The following SLC35F1 variants were observed in gnomAD, a reference collection of about 807,000 sequenced individuals.
The protein encoded by SLC35F1 is solute carrier family 35 member F1.
SLC35F1 carries 14 observed loss-of-function variants against 48.7 expected under a neutral mutation model. The ratio of observed to expected loss-of-function variants is 0.29; its 90% confidence interval spans 0.19 to 0.45. The LOEUF is 0.45. SLC35F1 is among the 20% of genes least tolerant of loss of function. The pLI, the probability that SLC35F1 is intolerant of heterozygous loss-of-function variation, is 1.00. For synonymous variants in SLC35F1, 190 were observed against 202.2 expected (o/e 0.94, Z 0.51); for missense variants, 404 against 500.0 (o/e 0.81, Z 1.83).
chr6:118,127,667 G>T (rs2114414747), intron 1 of SLC35F1, among the ~76,000 whole-genome samples: 1 of 151,898 alleles, frequency 6.6e-6, no homozygotes, highest in Admixed American at 6.6e-5. Flanking sequence ...ATTCAAGATG[G>T]ATTAAAGACT....
intron 2 of SLC35F1, among the ~76,000 whole-genome samples, chr6:118,170,376 A>G (rs557313049): frequency 6.6e-6 from 1 of 152,344 alleles, no homozygotes; most frequent in African/African-American, 2.4e-5. Flanking sequence ...TAAATTCTAC[A>G]AAGAAGCCGT....
intron 1 of SLC35F1, among the ~76,000 whole-genome samples, chr6:118,057,238 T>A (rs940897146): frequency 6.6e-5 from 10 of 152,212 alleles, no homozygotes; most frequent in African/African-American, 2.4e-4. Context: ...TGTACCAATG[T>A]CATGCTAGAG....
chr6:118,152,135 T>G (rs777159079), intron 1 of SLC35F1, among the ~76,000 whole-genome samples: 2 of 151,840 alleles, frequency 1.3e-5, no homozygotes, highest in Non-Finnish European at 2.9e-5. Context: ...TCAAAGGGAG[T>G]GACATAGAAG....
intron 1 of SLC35F1, among the ~76,000 whole-genome samples, chr6:118,144,019 T>C (rs1773932698): frequency 6.6e-6 from 1 of 152,200 alleles, no homozygotes; most frequent in African/African-American, 2.4e-5. Flanking sequence ...TCAACCATTG[T>C]GGAAGACAGT....
chr6:117,950,735 A>G (rs1386925896), intron 1 of SLC35F1, among the ~76,000 whole-genome samples: 1 of 152,224 alleles, frequency 6.6e-6, no homozygotes, highest in African/African-American at 2.4e-5. Flanking sequence ...AATAACGTTT[A>G]CAATTTAAAT....
At chr6:118,104,007 A>G (rs575091914) in intron 1 of SLC35F1, among the ~76,000 whole-genome samples, 110 of 152,260 alleles carry the variant, frequency 7.2e-4, no homozygotes, top group Admixed American at 2.3e-3. Flanking sequence ...TTCCTTCACA[A>G]GAATAACCAT....
At chr6:118,207,731 C>G (rs1416611551) in intron 2 of SLC35F1, among the ~76,000 whole-genome samples, 2 of 152,194 alleles carry the variant, frequency 1.3e-5, no homozygotes, top group Non-Finnish European at 2.9e-5. Flanking sequence ...ACTTCAAGGA[C>G]AAATTGCTAT....
At chr6:118,243,821 C>G (rs932667738) in intron 3 of SLC35F1, among the ~76,000 whole-genome samples, 5 of 152,174 alleles carry the variant, frequency 3.3e-5, no homozygotes, top group Non-Finnish European at 7.3e-5. Flanking sequence ...GCTATATTTT[C>G]TTCTTTATCC....
chr6:117,923,631 A>ATACGTG (rs1775941466), intron 1 of SLC35F1, among the ~76,000 whole-genome samples: 1 of 98,550 alleles, frequency 1.0e-5, no homozygotes, highest in Non-Finnish European at 2.1e-5. Flanking sequence ...ATATATACAT[A>ATACGTG]TATGTACATA....
chr6:117,991,009 AT>A (rs551953632), intron 1 of SLC35F1, among the ~76,000 whole-genome samples: 186 of 152,268 alleles, frequency 1.2e-3, no homozygotes, highest in African/African-American at 4.4e-3. Context: ...CCAGTTCTTA[AT>A]TTTTTTCTGA....
intron 1 of SLC35F1, among the ~76,000 whole-genome samples, chr6:118,088,555 CTCT>C (rs895221141): frequency 2.0e-5 from 3 of 152,170 alleles, no homozygotes; most frequent in Non-Finnish European, 4.4e-5. Flanking sequence ...CATTCATTCA[CTCT>C]TCTTTCATAT....
intron 4 of SLC35F1, 106 bp from the exon 5 acceptor site, chr6:118,275,353 A>G: frequency 8.3e-7 from 1 of 1,198,348 alleles, no homozygotes; most frequent in Non-Finnish European, 1.2e-6. Flanking sequence ...TTCTATAAAA[A>G]TGTCAAAATA....
At chr6:117,938,307 C>CA (rs892356351) in intron 1 of SLC35F1, among the ~76,000 whole-genome samples, 224 of 151,716 alleles carry the variant, frequency 1.5e-3, no homozygotes, top group Admixed American at 1.8e-3. Context: ...TTCATAGGAC[C>CA]AAAAAAAAGT....
intron 1 of SLC35F1, among the ~76,000 whole-genome samples, chr6:118,016,754 G>C (rs1030441486): frequency 3.3e-5 from 5 of 152,178 alleles, no homozygotes; most frequent in African/African-American, 1.2e-4. Flanking sequence ...GCTGTCCTTG[G>C]TTCTTCTCAT....
chr6:118,112,391 T>C (rs1458712092), intron 1 of SLC35F1, among the ~76,000 whole-genome samples: 2 of 152,148 alleles, frequency 1.3e-5, no homozygotes, highest in Non-Finnish European at 2.9e-5. Flanking sequence ...CCCATGATCT[T>C]TTTAAATTCT....
intron 4 of SLC35F1, among the ~76,000 whole-genome samples, chr6:118,272,229 G>T (rs757668858): frequency 6.6e-6 from 1 of 152,102 alleles, no homozygotes; most frequent in African/African-American, 2.4e-5. Flanking sequence ...AGTTGGCTGC[G>T]GGGAAATGAG....
At chr6:117,965,983 C>G (rs1055392543) in intron 1 of SLC35F1, among the ~76,000 whole-genome samples, 1 of 150,184 alleles carries the variant, frequency 6.7e-6, no homozygotes, top group Admixed American at 6.7e-5. Flanking sequence ...GTAAACGCAC[C>G]AGTCAGCACT....
At chr6:117,934,924 A>G (rs1476055658) in intron 1 of SLC35F1, among the ~76,000 whole-genome samples, 1 of 152,094 alleles carries the variant, frequency 6.6e-6, no homozygotes, top group Non-Finnish European at 1.5e-5. Flanking sequence ...CCTGGCCAGC[A>G]TGGTGAAACC....
intron 3 of SLC35F1, among the ~76,000 whole-genome samples, chr6:118,249,031 C>T (rs1775540942): frequency 6.6e-6 from 1 of 152,214 alleles, no homozygotes; most frequent in South Asian, 2.1e-4. Context: ...TGTCTATGAA[C>T]CAGGGCGTGG....
Sources: allele counts gnomAD v4.1 joint callset (sites outside exome capture counted in the v4.1 genomes callset), GRCh38; gene constraint gnomAD v4.1.1; transcripts MANE v1.5; gene names NCBI Gene and HGNC (gene_info 2026-07-23, HGNC 2026-07-21).